PTPRD: variants seen among roughly 807,000 people sequenced by gnomAD.
The protein encoded by PTPRD is receptor-type tyrosine-protein phosphatase delta.
In PTPRD, 34 loss-of-function variants were observed where a neutral mutation model predicts 214.5. That is an observed-to-expected ratio of 0.16 (90% CI 0.12 to 0.21). The LOEUF is 0.21. Among genes scored for constraint, PTPRD ranks in the 10% least tolerant of loss-of-function variants. The pLI is 1.00. For missense variants in PTPRD, 2,545 were observed against 2,398.7 expected (o/e 1.06, Z -1.27); for synonymous variants, 1,128 against 845.7 (o/e 1.33, Z -5.79).
chr9:10,033,565 A>G (rs80114675), intron 4 of PTPRD, among the ~76,000 whole-genome samples, 153 bp downstream of exon 4: 7,609 of 152,148 alleles, frequency 0.05, 692 homozygotes, highest in African/African-American at 0.18. Flanking sequence ...AAGTAAAATC[A>G]TATTATAATT....
At chr9:10,296,208 C>G (rs965061225) in intron 3 of PTPRD, among the ~76,000 whole-genome samples, 1 of 152,020 alleles carries the variant, frequency 6.6e-6, no homozygotes, top group Non-Finnish European at 1.5e-5. Flanking sequence ...CGTCTGGATT[C>G]TTTAAATTTC....
chr9:10,032,481 C>G (rs1294664692), intron 4 of PTPRD, among the ~76,000 whole-genome samples: 2 of 152,142 alleles, frequency 1.3e-5, no homozygotes, highest in Non-Finnish European at 2.9e-5. Context: ...TTCTTTCACT[C>G]CCTAAACTTT....
At position 9,230,179 on chromosome 9, in the gene PTPRD, G is replaced by T. The variant is rs192230307; in HGVS notation, c.-202-46816C>A. ...AGTTTATGCTAATGAGACAATGGGG[G>T]TGGGTGGGTGCAGGCCTAGATAACT... On this transcript the variant is annotated intron_variant, in intron 9 of 45. Transcript: ENST00000381196. Among the ~76,000 whole-genome samples, 1,117 of 152,228 alleles carry T rather than the reference G, an allele frequency of 7.3e-3. 10 individuals are homozygous for T. The highest frequency in any genetic ancestry group is 0.026 in the African/African-American group (1,088 of 41,538).
At chr9:8,976,593 T>C (rs1403528088) in intron 11 of PTPRD, among the ~76,000 whole-genome samples, 1 of 152,150 alleles carries the variant, frequency 6.6e-6, no homozygotes, top group Non-Finnish European at 1.5e-5. Context: ...TTGCATAAGA[T>C]TGTCAGTGTA....
At chr9:9,870,323 A>G (rs1010428294) in intron 5 of PTPRD, among the ~76,000 whole-genome samples, 1 of 152,022 alleles carries the variant, frequency 6.6e-6, no homozygotes, top group African/African-American at 2.4e-5. Context: ...CAAAATCTCA[A>G]TGGATACATT....
At chr9:8,383,069 T>A (rs1259578917) in intron 37 of PTPRD, among the ~76,000 whole-genome samples, 1 of 152,254 alleles carries the variant, frequency 6.6e-6, no homozygotes, top group Non-Finnish European at 1.5e-5. Flanking sequence ...CTGCCATTTA[T>A]AATCTTCAAT....
At chr9:10,400,091 A>T (rs2098244433) in intron 2 of PTPRD, among the ~76,000 whole-genome samples, 1 of 151,844 alleles carries the variant, frequency 6.6e-6, no homozygotes, top group African/African-American at 2.4e-5. Flanking sequence ...TATAGTGGTT[A>T]AGCATGTGTT....
chr9:8,857,466 G>A (rs1458877918), intron 11 of PTPRD, among the ~76,000 whole-genome samples: 1 of 152,190 alleles, frequency 6.6e-6, no homozygotes, highest in Non-Finnish European at 1.5e-5. Flanking sequence ...GCCCGAGGAG[G>A]TCCAGAGGAG....
intron 7 of PTPRD, among the ~76,000 whole-genome samples, chr9:9,635,559 T>A (rs952650599): frequency 6.6e-6 from 1 of 152,184 alleles, no homozygotes; most frequent in Non-Finnish European, 1.5e-5. Flanking sequence ...AAGAAAGCCA[T>A]TGCTCAGATT....
At chr9:8,814,558 G>A (rs1329166908) in intron 11 of PTPRD, among the ~76,000 whole-genome samples, 1 of 152,146 alleles carries the variant, frequency 6.6e-6, no homozygotes, top group African/African-American at 2.4e-5. Flanking sequence ...GGAAACCCTA[G>A]GTGACACGAG....
At chr9:9,670,655 G>A (rs574772920) in intron 7 of PTPRD, among the ~76,000 whole-genome samples, 11 of 152,308 alleles carry the variant, frequency 7.2e-5, no homozygotes, top group Admixed American at 3.9e-4. Context: ...GGTGCCCTGC[G>A]TCCCAGCTGT....
At chr9:9,812,431 G>C (rs998860150) in intron 5 of PTPRD, among the ~76,000 whole-genome samples, 2 of 151,986 alleles carry the variant, frequency 1.3e-5, no homozygotes, top group African/African-American at 4.8e-5. Flanking sequence ...CCCTGTGAGA[G>C]ACTAACTTTA....
At chr9:10,200,134 T>A (rs1029638586) in intron 3 of PTPRD, among the ~76,000 whole-genome samples, 2 of 152,154 alleles carry the variant, frequency 1.3e-5, no homozygotes, top group Non-Finnish European at 2.9e-5. Context: ...CTTGAAAGAC[T>A]CATGCTTTCT....
At chr9:9,629,137 G>A (rs1382806949) in intron 7 of PTPRD, among the ~76,000 whole-genome samples, 1 of 151,284 alleles carries the variant, frequency 6.6e-6, no homozygotes, top group Non-Finnish European at 1.5e-5. Flanking sequence ...TCACGCCATT[G>A]CACTCCAGCC....
intron 2 of PTPRD, among the ~76,000 whole-genome samples, chr9:10,611,890 A>T (rs1325564298): frequency 6.9e-6 from 1 of 145,904 alleles, no homozygotes; most frequent in Non-Finnish European, 1.5e-5. Context: ...CATCCTTATT[A>T]ACTTTCCCTT....
chr9:9,479,501 T>C (rs2095304014), intron 8 of PTPRD, among the ~76,000 whole-genome samples: 1 of 152,126 alleles, frequency 6.6e-6, no homozygotes, highest in Admixed American at 6.5e-5. Context: ...CCTGACATCA[T>C]TACAAGGTAG....
intron 5 of PTPRD, among the ~76,000 whole-genome samples, chr9:9,793,273 G>A (rs901969662): frequency 3.3e-5 from 5 of 152,112 alleles, no homozygotes; most frequent in Non-Finnish European, 7.4e-5. Context: ...TAAAATGGAT[G>A]TATCTATAAA....
At chr9:9,046,810 T>C (rs979737028) in intron 10 of PTPRD, among the ~76,000 whole-genome samples, 1 of 152,290 alleles carries the variant, frequency 6.6e-6, no homozygotes, top group African/African-American at 2.4e-5. Context: ...TTAGCTAGTA[T>C]CATACTGAAT....
At chr9:9,657,368 C>T (rs561768394) in intron 7 of PTPRD, among the ~76,000 whole-genome samples, 104 of 152,074 alleles carry the variant, frequency 6.8e-4, no homozygotes, top group African/African-American at 2.5e-3. Context: ...AAACAAACAC[C>T]ACATATTCTC....
Sources: gnomAD v4.1 joint callset for allele counts (sites outside exome capture counted in the v4.1 genomes callset) on GRCh38, gnomAD v4.1.1 for gene constraint, MANE v1.5 for transcripts, NCBI Gene and HGNC (gene_info 2026-07-23, HGNC 2026-07-21) for gene names.